Variants in GRID2 observed in about 807,000 individuals in gnomAD.
GRID2 encodes glutamate receptor ionotropic, delta-2.
GRID2 carries 33 observed loss-of-function variants against 114.8 expected under a neutral mutation model. The observed-to-expected ratio is 0.29, with a 90% CI of 0.22 to 0.38. The LOEUF (loss-of-function observed/expected upper bound fraction) is 0.38, where lower values mean the gene tolerates loss of function less well. Ranked by LOEUF, GRID2 falls within the 10% of genes least tolerant of loss-of-function variation. The pLI, the probability that GRID2 is intolerant of heterozygous loss-of-function variation, is 1.00. For missense variants in GRID2, 1,184 were observed against 1,257.7 expected (o/e 0.94, Z 0.89); for synonymous variants, 505 against 449.9 (o/e 1.12, Z -1.55).
At chr4:92,428,265 TA>T (rs541952787) in intron 1 of GRID2, among the ~76,000 whole-genome samples, 1 of 150,488 alleles carries the variant, frequency 6.6e-6, no homozygotes, top group East Asian at 1.9e-4. Flanking sequence ...CCTCACAAAG[TA>T]ATAATAATAA....
intron 2 of GRID2, among the ~76,000 whole-genome samples, chr4:92,785,969 G>T (rs1378570235): frequency 2.0e-5 from 3 of 151,826 alleles, no homozygotes; most frequent in African/African-American, 7.2e-5. Flanking sequence ...GTCAGAGCTA[G>T]CAATGCATTA....
intron 4 of GRID2, among the ~76,000 whole-genome samples, chr4:93,165,178 A>T (rs995363481): frequency 1.4e-4 from 22 of 152,114 alleles, no homozygotes; most frequent in African/African-American, 5.3e-4. Context: ...ATTATTATGT[A>T]AGCAGATATC....
chr4:92,460,457 C>T (rs1721441607), intron 1 of GRID2, among the ~76,000 whole-genome samples: 1 of 151,990 alleles, frequency 6.6e-6, no homozygotes, highest in Non-Finnish European at 1.5e-5. Flanking sequence ...AATAAATGTT[C>T]CACACAGAAC....
chr4:93,340,616 C>A (rs552451189), intron 8 of GRID2, among the ~76,000 whole-genome samples: 28 of 152,190 alleles, frequency 1.8e-4, no homozygotes, highest in Middle Eastern at 3.4e-3. Flanking sequence ...TGTCTGATGA[C>A]ACTAGTTCCT....
intron 14 of GRID2, among the ~76,000 whole-genome samples, chr4:93,695,903 A>G (rs1403213175): frequency 6.6e-6 from 1 of 152,188 alleles, no homozygotes; most frequent in Admixed American, 6.5e-5. Context: ...ATGCTCTGTA[A>G]TTTGCAAAAC....
Position 93,538,268 on chromosome 4 carries a change from G to A in GRID2, c.2193+22857G>A, listed in dbSNP as rs556849579. ...AAAGGAGCAAGTAGGGAATGCTGAG[G>A]GACAAAGGGGCCAAGTGGAAACACT... On this transcript the variant is annotated intron_variant, in intron 13 of 15. Coordinates refer to ENST00000282020, the MANE Select transcript of GRID2 (RefSeq NM_001510.4). Among the ~76,000 whole-genome samples the A allele has an allele frequency of 1.8e-4, 27 of 151,592 alleles. 1 individual carries two copies. The South Asian group carries it at 5.6e-3, about 31-fold the overall frequency.
intron 13 of GRID2, among the ~76,000 whole-genome samples, chr4:93,607,697 A>G (rs552776016): frequency 1.3e-5 from 2 of 152,258 alleles, no homozygotes; most frequent in South Asian, 4.1e-4. Flanking sequence ...CCAGCAATAG[A>G]TATTAAGTAT....
intron 2 of GRID2, among the ~76,000 whole-genome samples, chr4:92,686,466 A>G (rs1301471329): frequency 1.3e-5 from 2 of 151,990 alleles, no homozygotes; most frequent in Non-Finnish European, 2.9e-5. Context: ...ATCAAAAGCA[A>G]TCTCTTGGGT....
At chr4:93,081,813 A>G (rs1362530538) in intron 2 of GRID2, among the ~76,000 whole-genome samples, 1 of 152,240 alleles carries the variant, frequency 6.6e-6, no homozygotes, top group African/African-American at 2.4e-5. Flanking sequence ...TGAACTGACT[A>G]TGCATTCTAT....
chr4:92,578,435 A>G (rs989007545), intron 1 of GRID2, among the ~76,000 whole-genome samples: 8 of 151,728 alleles, frequency 5.3e-5, no homozygotes, highest in African/African-American at 1.7e-4. Flanking sequence ...ATGTCCCTAC[A>G]AAGGACATGA....
intron 8 of GRID2, among the ~76,000 whole-genome samples, chr4:93,375,763 G>A (rs1012513827): frequency 2.0e-5 from 3 of 152,192 alleles, no homozygotes; most frequent in African/African-American, 4.8e-5. Flanking sequence ...CTGAAGAAAA[G>A]GTTTTTCTTT....
At position 93,134,189 on chromosome 4, in the gene GRID2, C is replaced by CA. The variant is rs199580318; in HGVS notation, c.735+23241dup. On this transcript the variant is annotated intron_variant, in intron 4 of 15. Transcript: ENST00000282020. ...TGCCCCTGTTCTGATTTAGGTTCTC[C>CA]AAAAACCTTCTGATTTTAATTGGCT... Among the ~76,000 whole-genome samples the CA allele has an allele frequency of 7.1e-3, 1,080 of 152,150 alleles. 5 individuals are homozygous for CA. The highest frequency in any genetic ancestry group is 0.011 in the Non-Finnish European group (763 of 67,972).
At chr4:92,371,017 C>T (rs1211246072) in intron 1 of GRID2, among the ~76,000 whole-genome samples, 3 of 152,104 alleles carry the variant, frequency 2.0e-5, no homozygotes, top group Non-Finnish European at 2.9e-5. Flanking sequence ...AAAATAAAAC[C>T]AGCCACAACA....
In GRID2 at chr4:93,626,370, T is replaced by C; in HGVS notation, c.2295T>C (p.Val765=). ...DCSFYTIGNT[V]ADRGYGIALQ... The stretch of plus-strand genomic sequence containing the variant: ...CCTTTTACACCATTGGAAATACTGT[T>C]GCTGATCGGGGATATGGAATTGCAT... Residue 765 remains valine, a synonymous_variant, in exon 14 of 16, where the codon GTT becomes GTC. Transcript: ENST00000282020. 6.2e-7 allele frequency: 1 copy of C among 1,610,302 alleles called. No individual in the cohort carries two copies. Among genetic ancestry groups the C allele is most frequent in the South Asian group, 1.1e-5 (1 of 90,914 alleles).
intron 1 of GRID2, among the ~76,000 whole-genome samples, chr4:93,794,900 C>A (rs1451070907): frequency 1.3e-5 from 2 of 152,138 alleles, no homozygotes; most frequent in Non-Finnish European, 2.9e-5. Flanking sequence ...ATGAGAAGAG[C>A]TAATAATTTT....
At chr4:93,313,429 G>T (rs1756237220) in intron 8 of GRID2, among the ~76,000 whole-genome samples, 1 of 152,172 alleles carries the variant, frequency 6.6e-6, no homozygotes, top group African/African-American at 2.4e-5. Context: ...ATGACTAAGT[G>T]TGTCTTTTCT....
chr4:93,416,082 C>G (rs571377185), intron 9 of GRID2, among the ~76,000 whole-genome samples: 1 of 152,066 alleles, frequency 6.6e-6, no homozygotes, highest in African/African-American at 2.4e-5. Flanking sequence ...ATCTGCTTTT[C>G]TTCTCTCCAT....
At chr4:93,213,229 C>T (rs1461580071) in intron 5 of GRID2, among the ~76,000 whole-genome samples, 1 of 152,098 alleles carries the variant, frequency 6.6e-6, no homozygotes, top group South Asian at 2.1e-4. Flanking sequence ...TGGTACATAG[C>T]CTACAGTTGG....
At chr4:93,094,335 A>G (rs776564072) in intron 3 of GRID2, among the ~76,000 whole-genome samples, 1 of 152,064 alleles carries the variant, frequency 6.6e-6, no homozygotes, top group Non-Finnish European at 1.5e-5. Flanking sequence ...AAAAAGATAA[A>G]TATTTTAAGG....
Sources: gnomAD v4.1 joint callset for allele counts (sites outside exome capture counted in the v4.1 genomes callset) on GRCh38, gnomAD v4.1.1 for gene constraint, MANE v1.5 for transcripts, NCBI Gene and HGNC (gene_info 2026-07-23, HGNC 2026-07-21) for gene names.